The following TMTC2 variants were observed in gnomAD, a reference collection of about 807,000 sequenced individuals.
TMTC2 encodes transmembrane O-mannosyltransferase targeting cadherins 2.
A neutral mutation model predicts 82.4 loss-of-function variants in TMTC2; 43 were observed. The observed-to-expected ratio is 0.52, with a 90% CI of 0.41 to 0.67. The LOEUF is 0.67. Ranked by LOEUF, TMTC2 falls within the 30% of genes least tolerant of loss-of-function variation. TMTC2 has a pLI of 0.00. For synonymous variants in TMTC2, 408 were observed against 381.9 expected, an observed-to-expected ratio of 1.07 and a Z score of -0.80; for missense variants, 919 against 1,012.4, an observed-to-expected ratio of 0.91 and a Z score of 1.25.
chr12:82,713,927 C>T (rs1873768578), intron 1 of TMTC2, among the ~76,000 whole-genome samples: 1 of 152,184 alleles, frequency 6.6e-6, no homozygotes, highest in South Asian at 2.1e-4. Flanking sequence ...ATACTTAATT[C>T]ATTTATTGTG....
intron 11 of TMTC2, among the ~76,000 whole-genome samples, chr12:83,111,121 CCTT>C (rs1884586832): frequency 6.6e-6 from 1 of 152,214 alleles, no homozygotes; most frequent in African/African-American, 2.4e-5. Context: ...GAAATTTACT[CCTT>C]CTTCATTAAT....
At chr12:82,848,144 A>T (rs978877014) in intron 1 of TMTC2, among the ~76,000 whole-genome samples, 1 of 152,106 alleles carries the variant, frequency 6.6e-6, no homozygotes, top group African/African-American at 2.4e-5. Flanking sequence ...TGTCCATCCC[A>T]TGAAGAAGAA....
chr12:82,859,377 T>G (rs1020858874), intron 2 of TMTC2, among the ~76,000 whole-genome samples: 1 of 152,180 alleles, frequency 6.6e-6, no homozygotes, highest in Non-Finnish European at 1.5e-5. Flanking sequence ...TGATTTCTTT[T>G]ACAGAATTTC....
chr12:82,797,556 A>G (rs1392358543), intron 1 of TMTC2, among the ~76,000 whole-genome samples: 2 of 152,138 alleles, frequency 1.3e-5, no homozygotes, highest in Non-Finnish European at 2.9e-5. Context: ...TGCCGTGTAT[A>G]AAAAGGTCTA....
chr12:82,859,002 T>A (rs1871394687), intron 2 of TMTC2, among the ~76,000 whole-genome samples: 1 of 152,094 alleles, frequency 6.6e-6, no homozygotes, highest in African/African-American at 2.4e-5. Flanking sequence ...TATGATGTAT[T>A]TGAGGATGCA....
chr12:82,995,551 T>C (rs569045486), intron 8 of TMTC2, among the ~76,000 whole-genome samples: 13 of 152,326 alleles, frequency 8.5e-5, no homozygotes, highest in African/African-American at 3.1e-4. Flanking sequence ...TGCAGAGCTA[T>C]GGAGTGTATC....
intron 11 of TMTC2, among the ~76,000 whole-genome samples, chr12:83,087,254 C>T (rs1858871557): frequency 6.6e-6 from 1 of 152,178 alleles, no homozygotes; most frequent in Non-Finnish European, 1.5e-5. Context: ...AATTCAATTA[C>T]ATCTTCAGGG....
intron 1 of TMTC2, among the ~76,000 whole-genome samples, chr12:82,767,619 G>GATATGACCTAGGAT (rs1799228184): frequency 6.6e-6 from 1 of 152,018 alleles, no homozygotes; most frequent in African/African-American, 2.4e-5. Context: ...GATATGGCTG[G>GATATGACCTAGGAT]ATGTTGGTCA....
chr12:82,979,262 C>T (rs1878816111), intron 7 of TMTC2, among the ~76,000 whole-genome samples: 1 of 151,306 alleles, frequency 6.6e-6, no homozygotes, highest in African/African-American at 2.4e-5. Context: ...TCTTTACTTC[C>T]TTCCTGTCTT....
intron 4 of TMTC2, among the ~76,000 whole-genome samples, chr12:82,958,458 C>T (rs1877741651): frequency 6.6e-6 from 1 of 150,888 alleles, no homozygotes; most frequent in Admixed American, 6.6e-5. Flanking sequence ...CTGAATTGTG[C>T]AGTACATTAA....
intron 1 of TMTC2, among the ~76,000 whole-genome samples, chr12:82,710,024 GAA>G (rs1873550048): frequency 6.6e-6 from 1 of 152,138 alleles, no homozygotes; most frequent in South Asian, 2.1e-4. Flanking sequence ...GGTGATATGT[GAA>G]AGTGTCCAGG....
intron 1 of TMTC2, among the ~76,000 whole-genome samples, chr12:82,806,025 G>A (rs1158198889): frequency 6.6e-6 from 1 of 152,004 alleles, no homozygotes; most frequent in Non-Finnish European, 1.5e-5. Context: ...AGTAGGGGAG[G>A]CAGAGAAGTA....
At chr12:83,016,744 G>A (rs1437840386) in intron 8 of TMTC2, among the ~76,000 whole-genome samples, 1 of 152,182 alleles carries the variant, frequency 6.6e-6, no homozygotes, top group Non-Finnish European at 1.5e-5. Context: ...GTAATAGCAT[G>A]AACTGTGAAG....
intron 3 of TMTC2, among the ~76,000 whole-genome samples, chr12:82,906,212 A>C (rs1874297817): frequency 6.6e-6 from 1 of 152,152 alleles, no homozygotes; most frequent in South Asian, 2.1e-4. Flanking sequence ...GTTTACCTCG[A>C]ATTGAGTGTC....
intron 4 of TMTC2, among the ~76,000 whole-genome samples, chr12:82,963,614 T>G (rs2137299642): frequency 6.6e-6 from 1 of 151,010 alleles, no homozygotes; most frequent in East Asian, 2.0e-4. Flanking sequence ...TTATTCCTTT[T>G]TAAAAATTTT....
chr12:83,004,821 G>A (rs11115516), intron 8 of TMTC2, among the ~76,000 whole-genome samples: 1 of 136,444 alleles, frequency 7.3e-6, no homozygotes, highest in Non-Finnish European at 1.5e-5. Flanking sequence ...TGGTGCTTAA[G>A]AGTCATGGCT....
chr12:83,029,370 A>G (rs954919811), intron 8 of TMTC2, among the ~76,000 whole-genome samples: 13 of 152,302 alleles, frequency 8.5e-5, no homozygotes, highest in African/African-American at 3.1e-4. Flanking sequence ...AGTGTATTTT[A>G]TGTCTGGCCC....
chr12:82,724,345 A>G (rs1000589092), intron 1 of TMTC2, among the ~76,000 whole-genome samples: 2 of 152,154 alleles, frequency 1.3e-5, no homozygotes, highest in African/African-American at 4.8e-5. Flanking sequence ...TCCCCACTCA[A>G]ATCTCATCTC....
intron 1 of TMTC2, among the ~76,000 whole-genome samples, chr12:82,731,626 T>C (rs1347769605): frequency 6.6e-6 from 1 of 152,218 alleles, no homozygotes; most frequent in African/African-American, 2.4e-5. Context: ...TTTAGACTAT[T>C]ACTATAAATA....
Sources: allele counts gnomAD v4.1 joint callset (sites outside exome capture counted in the v4.1 genomes callset), GRCh38; gene constraint gnomAD v4.1.1; transcripts MANE v1.5; gene names NCBI Gene and HGNC (gene_info 2026-07-23, HGNC 2026-07-21).